Variants in TRAPPC9 observed in about 807,000 individuals in gnomAD.
TRAPPC9 encodes the protein IKK2 binding protein.
A neutral mutation model predicts 124.0 loss-of-function variants in TRAPPC9; 83 were observed. The observed-to-expected ratio is 0.67, with a 90% CI of 0.56 to 0.80. The LOEUF is 0.80. TRAPPC9 is among the 30% of genes least tolerant of loss of function. TRAPPC9 has a pLI of 0.00. For synonymous variants in TRAPPC9, 638 were observed against 617.5 expected, an observed-to-expected ratio of 1.03 and a Z score of -0.49; for missense variants, 1,302 against 1,508.3, an observed-to-expected ratio of 0.86 and a Z score of 2.27.
intron 21 of TRAPPC9, among the ~76,000 whole-genome samples, chr8:139,865,305 C>T (rs907798296): frequency 1.4e-4 from 21 of 152,336 alleles, no homozygotes; most frequent in South Asian, 4.1e-4. Context: ...CTCCTCAACA[C>T]GCCTGAGGAC....
Position 139,962,220 on chromosome 8 carries a change from C to T in TRAPPC9, c.2810+26506G>A, listed in dbSNP as rs1387589629. On this transcript the variant is annotated intron_variant, in intron 19 of 22. Transcript: ENST00000438773. Reference sequence around the variant, plus strand: ...TCTTCCTGGATGCAGGACAAGAACTCGGGCAAAGGCACCACTGGCCGCAGA... The same window carrying T: ...TCTTCCTGGATGCAGGACAAGAACTTGGGCAAAGGCACCACTGGCCGCAGA... Among the ~76,000 whole-genome samples the T allele has an allele frequency of 3.2e-5, 4 of 124,616 alleles. 1 individual carries two copies. The highest frequency in any genetic ancestry group is 5.7e-5 in the Non-Finnish European group (3 of 52,278). 81.8% of individuals were successfully genotyped at this position (124,616 alleles called of 152,430 possible).
chr8:140,137,330 C>G (rs894336515), intron 17 of TRAPPC9, among the ~76,000 whole-genome samples: 1 of 151,648 alleles, frequency 6.6e-6, no homozygotes, highest in Non-Finnish European at 1.5e-5. Context: ...GGCCCCACAC[C>G]TGGCACTCAA....
chr8:140,200,394 A>G (rs973328907), intron 17 of TRAPPC9, among the ~76,000 whole-genome samples: 2 of 152,082 alleles, frequency 1.3e-5, no homozygotes, highest in Admixed American at 1.3e-4. Flanking sequence ...CCAGCCCTAG[A>G]GTGTGAGCTC....
Position 140,063,573 on chromosome 8 carries a change from C to T in TRAPPC9, c.2557-39494G>A, listed in dbSNP as rs1034319926. Among the ~76,000 whole-genome samples the T allele has an allele frequency of 3.3e-5, 5 of 152,040 alleles. No homozygotes were observed. The highest frequency in any genetic ancestry group is 2.6e-4 in the Admixed American group (4 of 15,264). Reference sequence around the variant, plus strand: ...ATGGATCGGGGAACAGAACAGTGAACGGCAATAAAGAAAACTTAGATTTTG... The same window carrying T: ...ATGGATCGGGGAACAGAACAGTGAATGGCAATAAAGAAAACTTAGATTTTG... On this transcript the variant is annotated intron_variant, in intron 17 of 22. Transcript: ENST00000438773. The surrounding 1 kb of genome is among the most constrained non-coding windows in gnomAD (Gnocchi z 4.3).
At chr8:140,095,668 A>G (rs542266668) in intron 17 of TRAPPC9, 2 of 152,352 alleles carry the variant, frequency 1.3e-5, no homozygotes, top group East Asian at 3.9e-4. Context: ...AAAATGTATT[A>G]AAGGGCGTGA....
At chr8:139,915,596 T>C (rs997827445) in intron 19 of TRAPPC9, among the ~76,000 whole-genome samples, 6 of 152,220 alleles carry the variant, frequency 3.9e-5, no homozygotes. Flanking sequence ...ACAAGGCGTA[T>C]TACCCGCTGT....
At chr8:140,181,357 T>A (rs2062199282) in intron 17 of TRAPPC9, among the ~76,000 whole-genome samples, 1 of 152,188 alleles carries the variant, frequency 6.6e-6, no homozygotes, top group Non-Finnish European at 1.5e-5. Context: ...ACCTCCAGGG[T>A]CCAAATGATT....
rs576374570 is a variant in TRAPPC9 at position 139,812,587 on chromosome 8, C to A, written c.3055+73292G>T. 1.2e-4 allele frequency among the ~76,000 whole-genome samples: 18 copies of A among 152,260 alleles called. No homozygotes were observed. The East Asian group carries it at 3.5e-3, about 29-fold the overall frequency. ...TTATGTGCCTTGTGGAACGAATTGG[C>A]TTTTTAAGTCACATGTATATATCAC... On this transcript the variant is annotated intron_variant, in intron 21 of 22. Coordinates refer to ENST00000438773, the MANE Select transcript of TRAPPC9 (RefSeq NM_001160372.4).
intron 7 of TRAPPC9, among the ~76,000 whole-genome samples, chr8:140,386,516 C>A (rs1201657473): frequency 1.3e-5 from 2 of 152,064 alleles, no homozygotes; most frequent in Non-Finnish European, 2.9e-5. Context: ...TTCCTATACA[C>A]CAATAACAGA....
rs1254657477 is a variant in TRAPPC9 at position 140,457,729 on chromosome 8, G to C, written c.-101C>G. On this transcript the variant is annotated 5_prime_UTR_variant, in exon 1 of 23. Transcript: ENST00000438773. ...TCTGCGGCCACTTCCCAGGCTCTGG[G>C]CTGGCGCTTCCTACTGGCGGCCGAG... The C allele has an allele frequency of 2.0e-6, 2 of 995,782 alleles. No homozygotes were observed. Among genetic ancestry groups the C allele is most frequent in the African/African-American group, 1.7e-5 (1 of 57,428 alleles). The allele number at this position is 995,782 out of a possible 1,614,324, so 61.7% of individuals were successfully genotyped here.
rs562788587 is a variant in TRAPPC9, at chr8:140,270,875, G to A, written c.2278+4783C>T. 2.6e-5 allele frequency among the ~76,000 whole-genome samples: 4 copies of A among 152,344 alleles called. No homozygotes were observed. In the South Asian group the frequency reaches 6.2e-4, roughly 24 times the overall value. ...TGAAGCCAAGCATGGGGCAGAGGCT[G>A]GGCCACACAGGGCCGCGGGGGCCAG... On this transcript the variant is annotated intron_variant, in intron 15 of 22. Coordinates refer to ENST00000438773, the MANE Select transcript of TRAPPC9 (RefSeq NM_001160372.4).
chr8:140,287,714 C>T lies in TRAPPC9; in HGVS notation c.1875G>A (p.Val625=). The T allele has an allele frequency of 6.2e-7, 1 of 1,614,180 alleles. No homozygotes were observed. The highest frequency in any genetic ancestry group is 8.5e-7 in the Non-Finnish European group (1 of 1,180,034). The stretch of plus-strand genomic sequence containing the variant: ...GCGCCGCAGGGAGAGACTCGAACTC[C>T]ACTCCGCTGGTGAGCAGCCCCTAAA... ...VENMGLLTSG[V]EFESLPAALS... Residue 625 remains valine (V), a synonymous_variant, in exon 13 of 23, where the codon GTG becomes GTA. Coordinates refer to ENST00000438773, the MANE Select transcript of TRAPPC9 (RefSeq NM_001160372.4).
chr8:139,831,981 C>A (rs1183510722), intron 21 of TRAPPC9, among the ~76,000 whole-genome samples: 1 of 152,202 alleles, frequency 6.6e-6, no homozygotes, highest in Non-Finnish European at 1.5e-5. Flanking sequence ...TTCTCCTCTC[C>A]GTGAAGTGTC....
chr8:139,939,701 T>G (rs1833780701), intron 19 of TRAPPC9, among the ~76,000 whole-genome samples: 1 of 152,232 alleles, frequency 6.6e-6, no homozygotes, highest in African/African-American at 2.4e-5. Context: ...GCTCCCACCT[T>G]CTGTGGCTCC....
intron 2 of TRAPPC9, among the ~76,000 whole-genome samples, chr8:140,446,801 G>A (rs2071276322): frequency 1.3e-5 from 2 of 151,978 alleles, no homozygotes; most frequent in African/African-American, 4.8e-5. Context: ...CAAAGTGCTG[G>A]GATTACAGAT....
chr8:140,180,915 T>G (rs1304687665), intron 17 of TRAPPC9, among the ~76,000 whole-genome samples: 1 of 152,154 alleles, frequency 6.6e-6, no homozygotes, highest in African/African-American at 2.4e-5. Context: ...GATCTGAGGA[T>G]TTATCATTCC....
chr8:139,934,881 C>A (rs1378884677), intron 19 of TRAPPC9, among the ~76,000 whole-genome samples: 2 of 152,238 alleles, frequency 1.3e-5, no homozygotes, highest in Non-Finnish European at 2.9e-5. Flanking sequence ...AGCCCCAGCA[C>A]TGCCAAGTCC....
chr8:139,804,682 A>C (rs1432679045), intron 21 of TRAPPC9, among the ~76,000 whole-genome samples: 2 of 40,080 alleles, frequency 5.0e-5, no homozygotes, highest in Non-Finnish European at 4.7e-5. Context: ...CCACCACCAC[A>C]CACAACCACC....
intron 21 of TRAPPC9, among the ~76,000 whole-genome samples, chr8:139,881,579 T>C (rs75601886): frequency 0.014 from 2,172 of 152,262 alleles, 24 homozygotes; most frequent in Non-Finnish European, 0.025. Flanking sequence ...CTCAGATGGC[T>C]GAAGTGCTGC....
Sources: allele counts gnomAD v4.1 joint callset (sites outside exome capture counted in the v4.1 genomes callset), GRCh38; gene constraint gnomAD v4.1.1; non-coding constraint Gnocchi (gnomAD v3.1); transcripts MANE v1.5; gene names NCBI Gene and HGNC (gene_info 2026-07-23, HGNC 2026-07-21).